Variants in ABCC9 observed in about 807,000 individuals in gnomAD.
The protein encoded by ABCC9 is ATP-binding cassette sub-family C member 9.
ABCC9 carries 95 observed loss-of-function variants against 188.3 expected under a neutral mutation model. The observed-to-expected ratio is 0.50, with a 90% CI of 0.43 to 0.60. ABCC9 has a LOEUF of 0.60. Among genes scored for constraint, ABCC9 ranks in the 20% least tolerant of loss-of-function variants. The pLI is 0.00. For missense variants in ABCC9, 1,102 were observed against 1,876.3 expected, an observed-to-expected ratio of 0.59 and a Z score of 7.62; for synonymous variants, 659 against 652.7, an observed-to-expected ratio of 1.01 and a Z score of -0.15.
intron 30 of ABCC9, among the ~76,000 whole-genome samples, chr12:21,836,015 C>G (rs1435039754): frequency 6.6e-6 from 1 of 152,196 alleles, no homozygotes; most frequent in Non-Finnish European, 1.5e-5. Flanking sequence ...CTCAACCTTA[C>G]TCTTCACATT....
At chr12:21,866,839 G>A (rs766442652) in intron 18 of ABCC9, among the ~76,000 whole-genome samples, 6 of 152,122 alleles carry the variant, frequency 3.9e-5, no homozygotes, top group Non-Finnish European at 8.8e-5. Context: ...GAAGAACAGA[G>A]GTTAAGTGTG....
intron 15 of ABCC9, among the ~76,000 whole-genome samples, chr12:21,883,677 C>T (rs1946735525): frequency 6.6e-6 from 1 of 152,094 alleles, no homozygotes. Context: ...GATTGAGCTA[C>T]ACGGCACCCA....
intron 25 of ABCC9, among the ~76,000 whole-genome samples, chr12:21,847,680 A>G (rs1483910687): frequency 9.3e-6 from 1 of 107,154 alleles, no homozygotes; most frequent in Non-Finnish European, 1.9e-5. Context: ...GAAACATAAC[A>G]AATGGCATTC....
chr12:21,858,596 T>C (rs1375041340), intron 22 of ABCC9, among the ~76,000 whole-genome samples: 1 of 150,862 alleles, frequency 6.6e-6, no homozygotes, highest in East Asian at 1.9e-4. Context: ...AAAAAAAATC[T>C]ACAATTACAT....
chr12:21,887,036 T>A (rs1565448261), intron 15 of ABCC9, among the ~76,000 whole-genome samples: 1 of 152,136 alleles, frequency 6.6e-6, no homozygotes, highest in East Asian at 1.9e-4. Flanking sequence ...TGCTTATCAA[T>A]TCCTGCCTCA....
intron 24 of ABCC9, among the ~76,000 whole-genome samples, chr12:21,849,542 G>C (rs537746682): frequency 9.9e-5 from 15 of 152,224 alleles, no homozygotes; most frequent in African/African-American, 3.4e-4. Context: ...AAGTAGATTT[G>C]ATTCCAGTTC....
intron 5 of ABCC9, chr12:21,923,747 A>G: frequency 3.1e-6 from 2 of 655,288 alleles, no homozygotes; most frequent in Non-Finnish European, 5.5e-6. Context: ...CACTTATTGT[A>G]TGACCCAGAG....
chr12:21,809,864 G>A lies in ABCC9; in HGVS notation c.4303C>T (p.Pro1435Ser). 2 of 1,603,492 alleles carry A rather than the reference G, an allele frequency of 1.2e-6. No homozygotes were observed. Among genetic ancestry groups the A allele is most frequent in the Non-Finnish European group, 1.7e-6 (2 of 1,171,588 alleles). The stretch of plus-strand genomic sequence containing the variant: ...TTAGGAAATATACCTAGACCTCCAG[G>A]TAGAGATTTGACCATATTCTTCAGC... ...AQLKNMVKSLPGGLDAVVTEG... is the reference protein window; with the variant it reads ...AQLKNMVKSLSGGLDAVVTEG... The change falls in exon 37 of 40, where the codon CCT becomes TCT. Residue 1435 changes from proline (P) to serine (S), a missense_variant. Physicochemically the swap from Pro to Ser is moderately conservative, Grantham distance 74. Coordinates refer to ENST00000261200, the MANE Select transcript of ABCC9 (RefSeq NM_020297.4).
intron 30 of ABCC9, among the ~76,000 whole-genome samples, chr12:21,831,959 C>A (rs893116543): frequency 2.6e-5 from 4 of 152,140 alleles, no homozygotes; most frequent in African/African-American, 9.7e-5. Context: ...TGTTTCAGAT[C>A]CACTCTTAAA....
chr12:21,838,028 G>A, intron 30 of ABCC9, 50 bp downstream of exon 30: 1 of 1,360,812 alleles, frequency 7.3e-7, no homozygotes, highest in Non-Finnish European at 1.1e-6. Context: ...AAAAATATTT[G>A]TTGATGATGT....
Position 21,838,194 on chromosome 12 carries a change from A to C in ABCC9, c.3474-24T>G, listed in dbSNP as rs1452977034. On this transcript the variant is annotated intron_variant, in intron 29 of 39. Transcript: ENST00000261200. ...CCCTAGTAGAGAGAGGGGCAAAAAT[A>C]AACTTCATGTGCATCCAGACTCAAA... 4 of 1,476,642 alleles carry C rather than the reference A, an allele frequency of 2.7e-6. 1 individual carries two copies. In the Admixed American group the frequency reaches 5.0e-5, roughly 19 times the overall value. The allele number at this position is 1,476,642 out of a possible 1,614,324, so 91.5% of individuals were successfully genotyped here.
chr12:21,935,680 GGAAA>G (rs1245458738), intron 3 of ABCC9, among the ~76,000 whole-genome samples: 2 of 152,062 alleles, frequency 1.3e-5, no homozygotes, highest in African/African-American at 4.8e-5. Context: ...CGTAGGATAT[GGAAA>G]GAGTCACAAG....
intron 11 of ABCC9, 36 bp from the exon 12 acceptor site, chr12:21,906,324 A>T: frequency 1.9e-6 from 3 of 1,568,516 alleles, no homozygotes; most frequent in Non-Finnish European, 2.6e-6. Flanking sequence ...TACCAGCTGC[A>T]TCCAAGTGAA....
intron 36 of ABCC9, among the ~76,000 whole-genome samples, chr12:21,811,508 C>T (rs184320235): frequency 2.0e-4 from 30 of 152,154 alleles, no homozygotes; most frequent in Admixed American, 1.5e-3. Flanking sequence ...TAAATATCTA[C>T]CCTAGAGTAA....
chr12:21,862,106 T>A (rs1488513572), intron 20 of ABCC9, among the ~76,000 whole-genome samples: 3 of 152,194 alleles, frequency 2.0e-5, no homozygotes, highest in Admixed American at 6.5e-5. Context: ...CTTCAATTTT[T>A]TTTTCTCAAC....
intron 30 of ABCC9, among the ~76,000 whole-genome samples, chr12:21,836,032 G>T (rs1251214985): frequency 6.6e-6 from 1 of 152,102 alleles, no homozygotes; most frequent in Non-Finnish European, 1.5e-5. Flanking sequence ...CATTCAATTT[G>T]CTCCTAAATC....
Position 21,910,273 on chromosome 12 carries a change from T to C in ABCC9, c.1204A>G (p.Asn402Asp). The C allele has an allele frequency of 6.2e-7, 1 of 1,608,486 alleles. No homozygotes were observed. Reference sequence around the variant, plus strand: ...AGAGTCATCTCCCCCATGGATAAGTTAGACGTAGAGAGCCTAAGGATTTTA... The same window carrying C: ...AGAGTCATCTCCCCCATGGATAAGTCAGACGTAGAGAGCCTAAGGATTTTA... ...YNKILRLSTS[N>D]LSMGEMTLGQ... Residue 402 changes from asparagine to aspartate, a missense_variant, in exon 10 of 40, where the codon AAC becomes GAC. Asn to Asp is a conservative substitution (Grantham distance 23). Around this residue, in one of 12 missense-constraint regions of ABCC9, gnomAD observed 305 missense variants for 573.0 expected, o/e 0.53. Transcript: ENST00000261200.
chr12:21,879,624 AT>A (rs1161656502), intron 16 of ABCC9, among the ~76,000 whole-genome samples: 451 of 148,390 alleles, frequency 3.0e-3, no homozygotes, highest in African/African-American at 7.0e-3. Flanking sequence ...AATGAAAAGA[AT>A]TTTTTTTTTT....
chr12:21,900,935 A>C (rs1434281628), intron 12 of ABCC9, among the ~76,000 whole-genome samples: 22 of 152,216 alleles, frequency 1.4e-4, no homozygotes, highest in Admixed American at 1.4e-3. Flanking sequence ...CAACATTCAA[A>C]TTCAGGAAAT....
Sources: allele counts gnomAD v4.1 joint callset (sites outside exome capture counted in the v4.1 genomes callset), GRCh38; gene constraint gnomAD v4.1.1; regional missense constraint gnomAD v4.1.1; transcripts MANE v1.5; gene names NCBI Gene and HGNC (gene_info 2026-07-23, HGNC 2026-07-21).